Variants in ANOS1 observed in about 807,000 individuals in gnomAD.
ANOS1 encodes the protein anosmin 1.
Under a neutral mutation model 59.0 loss-of-function variants are expected in ANOS1, and 6 were observed. The ratio of observed to expected loss-of-function variants is 0.10; its 90% CI spans 0.06 to 0.20. The LOEUF (loss-of-function observed/expected upper bound fraction) is 0.20. ANOS1 is among the 10% of genes least tolerant of loss of function. The pLI is 1.00. For synonymous variants in ANOS1, 217 were observed against 223.4 expected, an observed-to-expected ratio of 0.97 and a Z score of 0.25; for missense variants, 433 against 542.3, an observed-to-expected ratio of 0.80 and a Z score of 2.00.
chrX:8,730,943 G>A (rs1373024947), intron 1 of ANOS1, among the ~76,000 whole-genome samples: 3 of 111,840 alleles, frequency 2.7e-5, no homozygotes, highest in African/African-American at 9.7e-5. Flanking sequence ...AGTCCCGCGG[G>A]GGTCCGCGCC....
chrX:8,660,141 T>C (rs1932012514), intron 2 of ANOS1, among the ~76,000 whole-genome samples: 1 of 111,207 alleles, frequency 9.0e-6, no homozygotes, highest in South Asian at 3.9e-4. Context: ...CCTTCCTGCA[T>C]ATAACATGAA....
rs1164164251 is a variant in ANOS1, at chrX:8,619,070, CAAAAAA to C, written c.318+4532_318+4537del. The stretch of plus-strand genomic sequence containing the variant: ...CCTGGGCGACAGAGCAAACCTCTCT[CAAAAAA>C]AAAAAAAAAAAAAAAAAAAAAAAAA... On this transcript the variant is annotated intron_variant, in intron 3 of 13. Coordinates refer to ENST00000262648, the MANE Select transcript of ANOS1 (RefSeq NM_000216.4). Among the ~76,000 whole-genome samples, 32 of 43,954 alleles carry C rather than the reference CAAAAAA, an allele frequency of 7.3e-4. No individual in the cohort carries two copies. In the East Asian group the frequency reaches 0.029, roughly 40 times the overall value. The allele number at this position is 43,954 out of a possible 115,157, so 38.2% of individuals were successfully genotyped here.
chrX:8,714,967 A>G (rs1281871665), intron 1 of ANOS1, among the ~76,000 whole-genome samples: 1 of 112,327 alleles, frequency 8.9e-6, no homozygotes, highest in Non-Finnish European at 1.9e-5. Context: ...ATAAACTTCA[A>G]AAGACAGTGT....
At chrX:8,555,890 A>G in intron 8 of ANOS1, among the ~76,000 whole-genome samples, 1 of 112,770 alleles carries the variant, frequency 8.9e-6, no homozygotes. Context: ...AGATACAACA[A>G]AAAAAGAAAA....
At chrX:8,609,891 C>A (rs2146835827) in intron 3 of ANOS1, among the ~76,000 whole-genome samples, 1 of 106,450 alleles carries the variant, frequency 9.4e-6, no homozygotes, top group Admixed American at 1.0e-4. Flanking sequence ...CCTGTAGTCC[C>A]AGCTACTCGG....
At position 8,587,902 on chromosome X, in the gene ANOS1, C is replaced by T. The variant is rs147229253; in HGVS notation, c.618G>A (p.Ser206=). ...QSGQLEVKWS[S]KFNISIEPVI... ...CAGGCTCAATAGAAATATTGAATTT[C>T]GAGGACCACTTAACCTCCAGCTGTC... The change falls in exon 5 of 14, where the codon TCG becomes TCA. Residue 206 remains serine, a synonymous_variant. Coordinates refer to ENST00000262648, the MANE Select transcript of ANOS1 (RefSeq NM_000216.4). 5.5e-4 allele frequency: 660 copies of T among 1,205,771 alleles called. No individual in the cohort carries two copies. The African/African-American group carries it at 9.1e-3, about 17-fold the overall frequency.
intron 9 of ANOS1, among the ~76,000 whole-genome samples, chrX:8,551,659 T>C (rs1929859421): frequency 9.5e-6 from 1 of 104,995 alleles, no homozygotes; most frequent in South Asian, 4.2e-4. Context: ...TGGATCAGAG[T>C]GGAAGAAAAT....
chrX:8,585,263 T>C lies in ANOS1; in HGVS notation c.856+4A>G. On this transcript the variant is annotated splice_donor_region_variant and intron_variant, in intron 6 of 13. Coordinates refer to ENST00000262648, the MANE Select transcript of ANOS1 (RefSeq NM_000216.4). ...CTGTGTCTGGGAAGAAAAGGAAGAC[T>C]GACCTTTGGAAGAACGGAAGTGTTT... 8.3e-7 allele frequency: 1 copy of C among 1,210,347 alleles called. No homozygotes were observed.
chrX:8,646,895 T>G (rs1931767364), intron 2 of ANOS1, among the ~76,000 whole-genome samples: 2 of 96,420 alleles, frequency 2.1e-5, no homozygotes, highest in Admixed American at 2.5e-4. Flanking sequence ...ATTGCACCAC[T>G]GCACTCCACC....
chrX:8,610,300 C>T (rs976955246), intron 3 of ANOS1, among the ~76,000 whole-genome samples: 3 of 111,368 alleles, frequency 2.7e-5, no homozygotes, highest in African/African-American at 9.8e-5. Flanking sequence ...AGACATTGGA[C>T]AATAGGTAGC....
chrX:8,630,057 G>A (rs948165521), intron 2 of ANOS1, among the ~76,000 whole-genome samples: 16 of 112,146 alleles, frequency 1.4e-4, no homozygotes, highest in Non-Finnish European at 3.0e-4. Flanking sequence ...CTGCCCTGAG[G>A]GAGCATGGAA....
chrX:8,701,052 T>C (rs987917589), intron 1 of ANOS1, among the ~76,000 whole-genome samples: 5 of 111,654 alleles, frequency 4.5e-5, no homozygotes, highest in African/African-American at 9.8e-5. Context: ...TGATTTATTA[T>C]CCTGAACATT....
intron 2 of ANOS1, among the ~76,000 whole-genome samples, chrX:8,651,278 C>T (rs927120594): frequency 8.9e-6 from 1 of 112,458 alleles, no homozygotes; most frequent in African/African-American, 3.2e-5. Context: ...CCCATGCCCT[C>T]GTCCTTAACA....
intron 2 of ANOS1, among the ~76,000 whole-genome samples, chrX:8,631,264 C>T (rs1931483077): frequency 8.9e-6 from 1 of 112,156 alleles, no homozygotes; most frequent in Admixed American, 9.5e-5. Context: ...TCTCTCTCAT[C>T]ATTAATTTAT....
At chrX:8,610,006 C>CAAAAAAAAAAAA (rs1167209336) in intron 3 of ANOS1, among the ~76,000 whole-genome samples, 17 of 9,163 alleles carry the variant, frequency 1.9e-3, no homozygotes, top group African/African-American at 3.3e-3. Context: ...GACTCCATCT[C>CAAAAAAAAAAAA]AAAAAAAAAA....
At chrX:8,549,696 C>CG (rs1462600703) in intron 9 of ANOS1, among the ~76,000 whole-genome samples, 1 of 112,037 alleles carries the variant, frequency 8.9e-6, no homozygotes, top group African/African-American at 3.2e-5. Flanking sequence ...TGCCAGGCAC[C>CG]GGTCCAACCA....
intron 8 of ANOS1, among the ~76,000 whole-genome samples, chrX:8,561,363 G>A (rs958031548): frequency 5.5e-5 from 6 of 109,679 alleles, no homozygotes; most frequent in Non-Finnish European, 9.5e-5. Flanking sequence ...GCAGTGGTGC[G>A]ATCTCGGCTC....
At chrX:8,540,207 T>G (rs932850950) in intron 9 of ANOS1, among the ~76,000 whole-genome samples, 4 of 111,370 alleles carry the variant, frequency 3.6e-5, no homozygotes, top group African/African-American at 9.8e-5. Context: ...CCTTTTTTTT[T>G]GATAAAGATG....
intron 4 of ANOS1, among the ~76,000 whole-genome samples, chrX:8,594,679 T>TATATATAC: frequency 1.7e-5 from 1 of 58,716 alleles, no homozygotes; most frequent in African/African-American, 7.7e-5. Context: ...TATATATATA[T>TATATATAC]ATATATATAT....
Sources: gnomAD v4.1 joint callset for allele counts (sites outside exome capture counted in the v4.1 genomes callset) on GRCh38, gnomAD v4.1.1 for gene constraint, MANE v1.5 for transcripts, NCBI Gene and HGNC (gene_info 2026-07-23, HGNC 2026-07-21) for gene names.